Variants in CORIN observed in about 807,000 individuals in gnomAD.
CORIN encodes the protein atrial natriuretic peptide-converting enzyme.
Under a neutral mutation model 125.3 loss-of-function variants are expected in CORIN, and 117 were observed. The ratio of observed to expected loss-of-function variants is 0.93; its 90% CI spans 0.80 to 1.09. CORIN has a LOEUF of 1.09. Ranked by LOEUF, CORIN falls within the 50% of genes least tolerant of loss-of-function variation. CORIN has a pLI of 0.00. For synonymous variants in CORIN, 450 were observed against 466.4 expected, an observed-to-expected ratio of 0.96 and a Z score of 0.45; for missense variants, 1,253 against 1,306.7, an observed-to-expected ratio of 0.96 and a Z score of 0.63.
Position 47,786,871 on chromosome 4 carries a change from T to C in CORIN, c.263A>G (p.Asp88Gly). 2 of 1,613,994 alleles carry C rather than the reference T, an allele frequency of 1.2e-6. No individual in the cohort carries two copies. Among genetic ancestry groups the C allele is most frequent in the Non-Finnish European group, 1.7e-6 (2 of 1,179,854 alleles). The change falls in exon 3 of 22, where the codon GAT becomes GGT. Residue 88 changes from aspartate (D) to glycine (G), a missense_variant. Physicochemically the swap from Asp to Gly is moderately conservative, Grantham distance 94. Transcript: ENST00000273857. ...KSNGSEPLVT[D>G]GEIQGSDVIL... is the part of the protein sequence containing the mutation. ...AACATCGGACCCTTGGATTTCACCA[T>C]CAGTGACCAAAGGTTCACTCCCATT...
chr4:47,828,164 T>G (rs897316013), intron 1 of CORIN, among the ~76,000 whole-genome samples: 3 of 151,926 alleles, frequency 2.0e-5, no homozygotes, highest in Non-Finnish European at 4.4e-5. Context: ...TATGTGTTTG[T>G]TTTTTTTCCC....
intron 5 of CORIN, among the ~76,000 whole-genome samples, chr4:47,697,297 C>T (rs373325323): frequency 6.6e-6 from 1 of 152,164 alleles, no homozygotes; most frequent in South Asian, 2.1e-4. Context: ...GCTCAACCAA[C>T]CCAACATGGA....
intron 1 of CORIN, among the ~76,000 whole-genome samples, chr4:47,822,293 A>C (rs1016168881): frequency 6.6e-6 from 1 of 152,234 alleles, no homozygotes; most frequent in Non-Finnish European, 1.5e-5. Context: ...GTTGCTAACC[A>C]GATGCCTCAC....
chr4:47,621,484 G>A (rs1722305901), intron 19 of CORIN, among the ~76,000 whole-genome samples: 1 of 152,170 alleles, frequency 6.6e-6, no homozygotes, highest in African/African-American at 2.4e-5. Flanking sequence ...AATCTTCAGT[G>A]AGCATAATAA....
intron 19 of CORIN, among the ~76,000 whole-genome samples, chr4:47,611,740 T>C (rs1301410031): frequency 6.6e-6 from 1 of 152,204 alleles, no homozygotes; most frequent in Non-Finnish European, 1.5e-5. Context: ...TTGTCATAAG[T>C]GGCTGTTATT....
At chr4:47,796,490 A>G (rs925101945) in intron 2 of CORIN, among the ~76,000 whole-genome samples, 4 of 152,120 alleles carry the variant, frequency 2.6e-5, no homozygotes, top group Non-Finnish European at 4.4e-5. Context: ...TAAGTTCTAG[A>G]GATGACTATA....
chr4:47,836,503 T>C (rs927497682), intron 1 of CORIN, among the ~76,000 whole-genome samples: 3 of 152,222 alleles, frequency 2.0e-5, no homozygotes, highest in Admixed American at 2.0e-4. Context: ...CTTCCATCGA[T>C]AAGTTACTTT....
intron 5 of CORIN, among the ~76,000 whole-genome samples, chr4:47,697,441 C>T (rs1310501870): frequency 6.6e-6 from 1 of 152,128 alleles, no homozygotes; most frequent in East Asian, 1.9e-4. Context: ...GGGCCAGGTG[C>T]AGTGCCGCAT....
intron 5 of CORIN, among the ~76,000 whole-genome samples, chr4:47,726,097 T>C (rs1727582577): frequency 6.6e-6 from 1 of 152,034 alleles, no homozygotes; most frequent in African/African-American, 2.4e-5. Flanking sequence ...AAAGTCAATC[T>C]GACAATACCA....
At chr4:47,691,142 A>G (rs1481367936) in intron 6 of CORIN, among the ~76,000 whole-genome samples, 1 of 152,208 alleles carries the variant, frequency 6.6e-6, no homozygotes, top group East Asian at 1.9e-4. Context: ...AAGCACTTAC[A>G]GGGTTTGGAG....
chr4:47,630,843 T>G (rs1722776286), intron 16 of CORIN, among the ~76,000 whole-genome samples: 1 of 152,172 alleles, frequency 6.6e-6, no homozygotes, highest in Non-Finnish European at 1.5e-5. Context: ...ATTTTCTGAT[T>G]CAGTTAAGTC....
At chr4:47,744,983 C>T (rs1428339883) in intron 4 of CORIN, among the ~76,000 whole-genome samples, 1 of 152,138 alleles carries the variant, frequency 6.6e-6, no homozygotes, top group Non-Finnish European at 1.5e-5. Flanking sequence ...TTTTTATCTT[C>T]CCTTTGAGAA....
chr4:47,623,968 A>G lies in CORIN; in HGVS notation c.2316-20T>C. ...GACTGCCTGGATTTGGAAACATAAA[A>G]TGGTATAACATTAAGTTACATATTT... On this transcript the variant is annotated intron_variant, in intron 17 of 21. Transcript: ENST00000273857. 2 of 1,601,654 alleles carry G rather than the reference A, an allele frequency of 1.2e-6. No homozygotes were observed. Among genetic ancestry groups the G allele is most frequent in the Non-Finnish European group, 1.7e-6 (2 of 1,168,882 alleles).
At chr4:47,706,935 G>GC (rs1165580745) in intron 5 of CORIN, 1 of 1,599,290 alleles carries the variant, frequency 6.3e-7, no homozygotes, top group African/African-American at 1.3e-5. Context: ...TGTGGTTCTC[G>GC]CCGGGCAGCT....
intron 19 of CORIN, among the ~76,000 whole-genome samples, chr4:47,615,598 G>A (rs1328909952): frequency 6.6e-6 from 1 of 152,134 alleles, no homozygotes; most frequent in Non-Finnish European, 1.5e-5. Context: ...CACACAAGGA[G>A]AACACTGTCT....
chr4:47,808,271 T>A (rs1221686140), intron 1 of CORIN, among the ~76,000 whole-genome samples: 1 of 152,180 alleles, frequency 6.6e-6, no homozygotes, highest in African/African-American at 2.4e-5. Flanking sequence ...ATACCAAACT[T>A]TTTTTAAAAA....
At chr4:47,731,568 T>A (rs1668550419) in intron 5 of CORIN, among the ~76,000 whole-genome samples, 2 of 150,698 alleles carry the variant, frequency 1.3e-5, no homozygotes, top group African/African-American at 4.9e-5. Context: ...TAGGAGGGAG[T>A]GATTAAATGT....
At chr4:47,654,250 T>C (rs1056922910) in intron 12 of CORIN, among the ~76,000 whole-genome samples, 2 of 152,164 alleles carry the variant, frequency 1.3e-5, no homozygotes, top group African/African-American at 4.8e-5. Flanking sequence ...AAAATGATTT[T>C]TTGGGGGGAA....
In CORIN at chr4:47,633,614, T is replaced by C. The variant is rs149215508; in HGVS notation, c.2199-7093A>G. ...TATTTTCAAAAATCTCATCTCCTTT[T>C]TTCGAGAACTTGACCTTTTGGGACA... On this transcript the variant is annotated intron_variant, in intron 16 of 21. Transcript: ENST00000273857. 5.2e-3 allele frequency among the ~76,000 whole-genome samples: 789 copies of C among 152,360 alleles called. 8 individuals are homozygous for C. Among genetic ancestry groups the C allele is most frequent in the South Asian group, 0.035 (171 of 4,828 alleles).
Sources: gnomAD v4.1 joint callset for allele counts (sites outside exome capture counted in the v4.1 genomes callset) on GRCh38, gnomAD v4.1.1 for gene constraint, MANE v1.5 for transcripts, NCBI Gene and HGNC (gene_info 2026-07-23, HGNC 2026-07-21) for gene names.